SV2B: variants seen among roughly 807,000 people sequenced by gnomAD.
SV2B encodes the protein synaptic vesicle glycoprotein 2B, also known as solute carrier family 22 member B2.
A neutral mutation model predicts 73.9 loss-of-function variants in SV2B; 41 were observed. The ratio of observed to expected loss-of-function variants is 0.56; its 90% CI spans 0.43 to 0.72. The LOEUF (loss-of-function observed/expected upper bound fraction) is 0.72, where lower values mean the gene tolerates loss of function less well. SV2B is among the 30% of genes least tolerant of loss of function. The probability of loss-of-function intolerance (pLI) is 0.00; values close to 1 mark genes in which losing one functional copy is unlikely to be tolerated. For synonymous variants in SV2B, 314 were observed against 314.2 expected (o/e 1.00, Z 0.01); for missense variants, 764 against 857.8 (o/e 0.89, Z 1.37).
rs2048053819 is a variant in SV2B, at chr15:91,265,065, C to T, written c.1009-1517C>T. Among the ~76,000 whole-genome samples, 3 of 152,270 alleles carry T rather than the reference C, an allele frequency of 2.0e-5. No homozygotes were observed. The South Asian group carries it at 6.2e-4, about 32-fold the overall frequency. On this transcript the variant is annotated intron_variant, in intron 6 of 12. Transcript: ENST00000394232. The surrounding 1 kb of genome is among the most constrained non-coding windows in gnomAD (Gnocchi z 4.2). Reference sequence around the variant, plus strand: ...GAAAGTGGTAACTGACCTTAGAGAGCCAGCCTGTGGTTGGCGGTCAGGGGC... The same window carrying T: ...GAAAGTGGTAACTGACCTTAGAGAGTCAGCCTGTGGTTGGCGGTCAGGGGC...
At chr15:91,116,443 A>G (rs1465739941) in intron 1 of SV2B, among the ~76,000 whole-genome samples, 2 of 152,152 alleles carry the variant, frequency 1.3e-5, no homozygotes, top group African/African-American at 2.4e-5. Flanking sequence ...AGCCCCAGAT[A>G]TTTGCTTAGA....
chr15:91,272,683 C>T (rs1038415451), intron 9 of SV2B, among the ~76,000 whole-genome samples: 3 of 151,760 alleles, frequency 2.0e-5, no homozygotes, highest in Non-Finnish European at 2.9e-5. Flanking sequence ...AAAATGAGGC[C>T]GGTAGGATAG....
chr15:91,152,146 G>T (rs532060465), intron 1 of SV2B, among the ~76,000 whole-genome samples: 6 of 149,820 alleles, frequency 4.0e-5, no homozygotes, highest in African/African-American at 1.5e-4. Context: ...AGCTTCCACA[G>T]TGTGGAAGGG....
chr15:91,203,682 A>G (rs2045538540), intron 1 of SV2B, among the ~76,000 whole-genome samples: 3 of 152,212 alleles, frequency 2.0e-5, no homozygotes, highest in Non-Finnish European at 2.9e-5. Flanking sequence ...AATGGAGGGT[A>G]CAGTAGAAAA....
At position 91,292,311 on chromosome 15, in the gene SV2B, G is replaced by C. The variant is rs554184623; in HGVS notation, c.1869-58G>C. 4 of 1,559,218 alleles carry C rather than the reference G, an allele frequency of 2.6e-6. No individual in the cohort carries two copies. The East Asian group carries it at 9.0e-5, about 35-fold the overall frequency. ...TGCAATAAGGAAAAGAAAGAGCCCA[G>C]TCCTGTTCATCTAATGTGGTTCAGA... is the stretch of plus-strand genomic sequence containing the variant. On this transcript the variant is annotated intron_variant, in intron 12 of 12. Transcript: ENST00000394232.
rs185404741 is a variant in SV2B at position 91,242,712 on chromosome 15, C to T, written c.452-9107C>T. 1.7e-3 allele frequency among the ~76,000 whole-genome samples: 261 copies of T among 152,252 alleles called. No homozygotes were observed. Among genetic ancestry groups the T allele is most frequent in the African/African-American group, 5.7e-3 (237 of 41,540 alleles). Reference sequence around the variant, plus strand: ...TGAATAGCAGAATAAGAGTAACCGTCATAGGATGAAGAGATCTGACCCAGG... The same window carrying T: ...TGAATAGCAGAATAAGAGTAACCGTTATAGGATGAAGAGATCTGACCCAGG... On this transcript the variant is annotated intron_variant, in intron 2 of 12. Transcript: ENST00000394232. This position sits in a 1 kb window ranked among gnomAD's most constrained non-coding sequence, Gnocchi z 4.9.
intron 1 of SV2B, among the ~76,000 whole-genome samples, chr15:91,116,795 A>T (rs1263002275): frequency 6.6e-6 from 1 of 152,246 alleles, no homozygotes. Flanking sequence ...ATGGATTCAC[A>T]GTTCCATGTG....
rs1567402429 is a variant in SV2B at position 91,258,318 on chromosome 15, C to T, written c.785-103C>T. The T allele has an allele frequency of 6.6e-7, 1 of 1,506,234 alleles. No individual in the cohort carries two copies. Among genetic ancestry groups the T allele is most frequent in the African/African-American group, 1.4e-5 (1 of 72,380 alleles). 93.3% of individuals were successfully genotyped at this position (1,506,234 alleles called of 1,614,324 possible). On this transcript the variant is annotated intron_variant, in intron 4 of 12. Coordinates refer to ENST00000394232, the MANE Select transcript of SV2B (RefSeq NM_001323032.3). The surrounding 1 kb of genome is among the most constrained non-coding windows in gnomAD (Gnocchi z 4.7). Reference sequence around the variant, plus strand: ...GCATTTTAACCACCTCCCCGGGTGACTCTCTTGTGCCCTGAAGTTTGTGAG... The same window carrying T: ...GCATTTTAACCACCTCCCCGGGTGATTCTCTTGTGCCCTGAAGTTTGTGAG...
intron 1 of SV2B, among the ~76,000 whole-genome samples, chr15:91,208,702 C>T (rs186717587): frequency 6.6e-6 from 1 of 152,274 alleles, no homozygotes; most frequent in East Asian, 1.9e-4. Context: ...TATATGACAA[C>T]CCTCTATGTA....
intron 5 of SV2B, among the ~76,000 whole-genome samples, chr15:91,259,434 C>G (rs1434074217): frequency 6.6e-6 from 1 of 152,178 alleles, no homozygotes; most frequent in African/African-American, 2.4e-5. Flanking sequence ...CAGAGTGATC[C>G]TCCATGTCCA....
intron 2 of SV2B, among the ~76,000 whole-genome samples, chr15:91,251,240 G>A (rs971310064): frequency 8.5e-5 from 13 of 152,188 alleles, no homozygotes; most frequent in Non-Finnish European, 1.8e-4. Context: ...GAGAAAACTG[G>A]ATATTACATG....
chr15:91,113,735 T>G (rs1031188391), intron 1 of SV2B, among the ~76,000 whole-genome samples: 2 of 152,216 alleles, frequency 1.3e-5, no homozygotes, highest in African/African-American at 4.8e-5. Context: ...TCCCATATCA[T>G]TTTTAAACCC....
chr15:91,291,475 G>A (rs896545463), intron 12 of SV2B, among the ~76,000 whole-genome samples: 3 of 152,062 alleles, frequency 2.0e-5, no homozygotes, highest in Non-Finnish European at 2.9e-5. Flanking sequence ...GTTGGGGAGA[G>A]GTAGCATTGG....
intron 1 of SV2B, among the ~76,000 whole-genome samples, chr15:91,179,793 C>G (rs551779731): frequency 1.3e-5 from 2 of 152,064 alleles, no homozygotes; most frequent in Admixed American, 1.3e-4. Flanking sequence ...TGTCTCTGCC[C>G]GTGAGCTGGG....
In SV2B at chr15:91,295,600, G is replaced by A. The variant is rs2141829517; in HGVS notation, c.*3048G>A. On this transcript the variant is annotated 3_prime_UTR_variant, in exon 13 of 13. Coordinates refer to ENST00000394232, the MANE Select transcript of SV2B (RefSeq NM_001323032.3). The stretch of plus-strand genomic sequence containing the variant: ...ATGTAATGTGAGGAGTGGGCGAGAA[G>A]GCCTAAGGTGATGCTCTCATGACAG... 1 of 152,342 alleles carries A rather than the reference G, an allele frequency of 6.6e-6. No homozygotes were observed. Among genetic ancestry groups the A allele is most frequent in the South Asian group, 2.1e-4 (1 of 4,828 alleles). 9.4% of individuals were successfully genotyped at this position (152,342 alleles called of 1,614,324 possible). A position where few individuals can be genotyped will look rare whatever the true frequency, so the allele number is the denominator to read the frequency against.
chr15:91,109,382 C>T (rs575355958), intron 1 of SV2B, among the ~76,000 whole-genome samples: 1 of 152,332 alleles, frequency 6.6e-6, no homozygotes, highest in South Asian at 2.1e-4. Flanking sequence ...CTTATGTCAA[C>T]CCCAGGTGAT....
intron 1 of SV2B, among the ~76,000 whole-genome samples, chr15:91,209,107 G>GTTTTTTTTTT (rs1362781398): frequency 6.6e-5 from 8 of 121,964 alleles, no homozygotes; most frequent in African/African-American, 2.9e-4. Context: ...TGGCAGTACT[G>GTTTTTTTTTT]TTTTTTGTTT....
At chr15:91,112,417 A>G (rs2042062934) in intron 1 of SV2B, among the ~76,000 whole-genome samples, 1 of 152,214 alleles carries the variant, frequency 6.6e-6, no homozygotes, top group Admixed American at 6.5e-5. Context: ...ACAGATCTCC[A>G]TCCAAATAGA....
Position 91,209,692 on chromosome 15 carries a change from G to A in SV2B, c.-391-16181G>A, listed in dbSNP as rs769413668. ...TTGAATCTAGCTCTGCCTCTCTCCA[G>A]GGGTATGACGTTGGGCAAATCTCTT... On this transcript the variant is annotated intron_variant, in intron 1 of 12. Coordinates refer to ENST00000394232, the MANE Select transcript of SV2B (RefSeq NM_001323032.3). Among the ~76,000 whole-genome samples the A allele has an allele frequency of 4.3e-4, 65 of 152,274 alleles. 1 individual carries two copies. Among genetic ancestry groups the A allele is most frequent in the Admixed American group, 1.2e-3 (18 of 15,290 alleles).
Sources: gnomAD v4.1 joint callset for allele counts (sites outside exome capture counted in the v4.1 genomes callset) on GRCh38, gnomAD v4.1.1 for gene constraint, Gnocchi (gnomAD v3.1) non-coding constraint, MANE v1.5 for transcripts, NCBI Gene and HGNC (gene_info 2026-07-23, HGNC 2026-07-21) for gene names.